Variants in WDFY4 observed in about 807,000 individuals in gnomAD.
WDFY4 encodes WD repeat- and FYVE domain-containing protein 4.
Under a neutral mutation model 351.9 loss-of-function variants are expected in WDFY4, and 169 were observed. The observed-to-expected ratio is 0.48, with a 90% CI of 0.42 to 0.55. WDFY4 has a LOEUF of 0.55. Among genes scored for constraint, WDFY4 ranks in the 20% least tolerant of loss-of-function variants. WDFY4 has a pLI of 0.00. For synonymous variants in WDFY4, 1,622 were observed against 1,574.6 expected (o/e 1.03, Z -0.71); for missense variants, 3,803 against 3,935.6 (o/e 0.97, Z 0.90).
intron 13 of WDFY4, among the ~76,000 whole-genome samples, chr10:48,766,418 T>C (rs2065672664): frequency 2.0e-5 from 3 of 152,214 alleles, no homozygotes; most frequent in East Asian, 1.9e-4. Flanking sequence ...GCAAACTCCA[T>C]CTGTACAAAA....
intron 30 of WDFY4, 70 bp downstream of exon 30, chr10:48,811,778 C>T: frequency 6.8e-7 from 1 of 1,474,852 alleles, no homozygotes; most frequent in East Asian, 2.5e-5. Flanking sequence ...GGCAGGTCGC[C>T]AAGACCCTCT....
intron 4 of WDFY4, among the ~76,000 whole-genome samples, chr10:48,722,798 A>G (rs1435338695): frequency 1.3e-5 from 2 of 152,256 alleles, no homozygotes; most frequent in Non-Finnish European, 2.9e-5. Flanking sequence ...GAAAGACCCC[A>G]GGAAGCTCCT....
chr10:48,740,222 C>T lies in WDFY4; in HGVS notation c.1879-2746C>T, dbSNP rs114143399. ...GATTGACTTTTCATGGCATGTGTCA[C>T]GTGACCAGGCATAGGTCAGGTTCAG... On this transcript the variant is annotated intron_variant, in intron 11 of 61. Transcript: ENST00000325239. Among the ~76,000 whole-genome samples, 1,504 of 152,262 alleles carry T rather than the reference C, an allele frequency of 9.9e-3. 22 individuals are homozygous for T. The highest frequency in any genetic ancestry group is 0.034 in the African/African-American group (1,410 of 41,536).
At chr10:48,737,405 C>T (rs972593318) in intron 11 of WDFY4, among the ~76,000 whole-genome samples, 1 of 152,134 alleles carries the variant, frequency 6.6e-6, no homozygotes, top group African/African-American at 2.4e-5. Context: ...GGTCAATCAT[C>T]AACCTAACTT....
At chr10:48,975,815 T>C (rs554476097) in intron 58 of WDFY4, among the ~76,000 whole-genome samples, 7 of 152,006 alleles carry the variant, frequency 4.6e-5, no homozygotes, top group South Asian at 2.1e-4. Flanking sequence ...GATAAATGAA[T>C]GGATGGATGG....
rs371073696 is a variant in WDFY4, at chr10:48,821,147, C to A, written c.5795C>A (p.Thr1932Lys). ...LLSAMELFHM[T>K]SGGDAAMFRD... ...TCTGCTATGGAACTATTCCACATGACAAGTGGAGGTGATGCAGCGATGTTC... is the reference window on the plus strand; with the variant it reads ...TCTGCTATGGAACTATTCCACATGAAAAGTGGAGGTGATGCAGCGATGTTC... Residue 1932 changes from threonine (T) to lysine (K), a missense_variant, in exon 34 of 62, where the codon ACA becomes AAA. Physicochemically the swap from Thr to Lys is moderately conservative, Grantham distance 78 (BLOSUM62 -1). Transcript: ENST00000325239. The A allele has an allele frequency of 1.9e-6, 3 of 1,551,524 alleles. No individual in the cohort carries two copies. Among genetic ancestry groups the A allele is most frequent in the Admixed American group, 2.0e-5 (1 of 50,990 alleles).
At chr10:48,877,759 G>A (rs2070083822) in intron 43 of WDFY4, among the ~76,000 whole-genome samples, 1 of 152,342 alleles carries the variant, frequency 6.6e-6, no homozygotes, top group East Asian at 1.9e-4. Flanking sequence ...CAGGAGGCAG[G>A]CTGGGGACCA....
intron 9 of WDFY4, 138 bp from the exon 10 acceptor site, chr10:48,733,793 C>G: frequency 1.4e-6 from 1 of 720,450 alleles, no homozygotes. Flanking sequence ...TTCTATCTTA[C>G]TAATTGGGAT....
In WDFY4 at chr10:48,877,063, A is replaced by G; in HGVS notation, c.7031A>G (p.Glu2344Gly). 1 of 1,517,468 alleles carries G rather than the reference A, an allele frequency of 6.6e-7. No homozygotes were observed. The highest frequency in any genetic ancestry group is 2.5e-5 in the East Asian group (1 of 40,340). The allele number at this position is 1,517,468 out of a possible 1,614,324, so 94.0% of individuals were successfully genotyped here. The change falls in exon 43 of 62, where the codon GAG becomes GGG. Residue 2344 changes from glutamate to glycine, a missense_variant. Around this residue, in one of 3 missense-constraint regions of WDFY4, gnomAD observed 3,054 missense variants for 3,148.6 expected, o/e 0.97. Coordinates refer to ENST00000325239, the MANE Select transcript of WDFY4 (RefSeq NM_001394531.1). Reference protein sequence around the residue: ...DELTLREAEGEPDEVGVDCTQ... With the variant: ...DELTLREAEGGPDEVGVDCTQ... ...CTGACACTGAGGGAGGCTGAGGGCG[A>G]GCCGGACGAGGTGGGGGTGGACTGC...
intron 39 of WDFY4, among the ~76,000 whole-genome samples, chr10:48,840,121 A>G (rs1443038472): frequency 6.6e-6 from 1 of 152,208 alleles, no homozygotes; most frequent in Non-Finnish European, 1.5e-5. Context: ...AATGAAGTCT[A>G]GTGTTATTTT....
chr10:48,806,796 C>T (rs1248304790), intron 27 of WDFY4, among the ~76,000 whole-genome samples: 1 of 152,188 alleles, frequency 6.6e-6, no homozygotes, highest in African/African-American at 2.4e-5. Flanking sequence ...CACATATAGC[C>T]ATTTAAATTC....
chr10:48,942,376 G>A (rs1455396452), intron 48 of WDFY4, among the ~76,000 whole-genome samples: 1 of 24,208 alleles, frequency 4.1e-5, no homozygotes, highest in Non-Finnish European at 1.4e-4. Context: ...ATGTGCGTGT[G>A]TGCGTGTGTG....
At chr10:48,793,380 C>T (rs1406297527) in intron 23 of WDFY4, among the ~76,000 whole-genome samples, 2 of 152,194 alleles carry the variant, frequency 1.3e-5, no homozygotes, top group African/African-American at 4.8e-5. Flanking sequence ...AAAAAGGAAA[C>T]ATTTCAAATA....
intron 1 of WDFY4, among the ~76,000 whole-genome samples, chr10:48,691,332 C>G (rs900787133): frequency 2.6e-4 from 39 of 152,262 alleles, no homozygotes; most frequent in Admixed American, 2.4e-3. Context: ...AGCCCAGCAC[C>G]CTTGGTGTGG....
At chr10:48,792,504 A>G (rs1195702806) in intron 23 of WDFY4, among the ~76,000 whole-genome samples, 1 of 152,230 alleles carries the variant, frequency 6.6e-6, no homozygotes, top group Admixed American at 6.5e-5. Context: ...CTAAAACTCA[A>G]GAATTGGGGA....
chr10:48,805,424 A>G lies in WDFY4; in HGVS notation c.4646+3A>G, dbSNP rs1432121196. On this transcript the variant is annotated splice_donor_region_variant and intron_variant, in intron 26 of 61. Transcript: ENST00000325239. ...TTCAGCACCCAGGACTTGCTCAGGT[A>G]CCACACCAAGCTGCCCAGGGGGAAG... is the stretch of plus-strand genomic sequence containing the variant. 1.3e-6 allele frequency: 2 copies of G among 1,547,384 alleles called. No homozygotes were observed. The highest frequency in any genetic ancestry group is 1.7e-6 in the Non-Finnish European group (2 of 1,146,956).
At chr10:48,846,262 A>G (rs1028373602) in intron 39 of WDFY4, among the ~76,000 whole-genome samples, 3 of 152,160 alleles carry the variant, frequency 2.0e-5, no homozygotes, top group East Asian at 3.9e-4. Context: ...GTAGTAGTGC[A>G]GGCTATTTTC....
chr10:48,898,031 A>G (rs1050893537), intron 45 of WDFY4, among the ~76,000 whole-genome samples: 19 of 151,938 alleles, frequency 1.3e-4, no homozygotes, highest in African/African-American at 3.4e-4. Context: ...CCTATTGCCA[A>G]GCTCCTGCTT....
intron 3 of WDFY4, among the ~76,000 whole-genome samples, chr10:48,720,347 T>C (rs780973467): frequency 2.0e-4 from 30 of 152,062 alleles, no homozygotes; most frequent in Admixed American, 2.0e-4. Flanking sequence ...GACACAGACA[T>C]AGACAAACAC....
Sources: allele counts gnomAD v4.1 joint callset (sites outside exome capture counted in the v4.1 genomes callset), GRCh38; gene constraint gnomAD v4.1.1; regional missense constraint gnomAD v4.1.1; transcripts MANE v1.5; gene names NCBI Gene and HGNC (gene_info 2026-07-23, HGNC 2026-07-21).